ZNF718: variants seen among roughly 807,000 people sequenced by gnomAD.
The protein encoded by ZNF718 is zinc finger protein 718.
ZNF718 carries 3 observed loss-of-function variants against 2.6 expected under a neutral mutation model. The ratio of observed to expected loss-of-function variants is 1.16; its 90% confidence interval spans 0.53 to 3.01. ZNF718 has a LOEUF of 3.01. Ranked by LOEUF, ZNF718 falls within the 30% of genes most tolerant of loss-of-function variation. ZNF718 has a pLI of 0.03. For missense variants in ZNF718, 468 were observed against 230.0 expected (o/e 2.03, Z -6.69); for synonymous variants, 135 against 77.9 (o/e 1.73, Z -3.86).
intron 3 of ZNF718, among the ~76,000 whole-genome samples, chr4:178,219 G>A: frequency 6.6e-6 from 1 of 151,092 alleles, no homozygotes; most frequent in East Asian, 2.0e-4. Flanking sequence ...GCTCACTGCA[G>A]CCTTGACATC....
chr4:168,083 C>G (rs777304313), downstream of ZNF718, among the ~76,000 whole-genome samples: 1 of 152,024 alleles, frequency 6.6e-6, no homozygotes, highest in Admixed American at 6.6e-5. Flanking sequence ...TTTTCAAAGG[C>G]CTTTTCTGCA....
rs1560135416 is a variant in ZNF718 at position 200,247 on chromosome 4, T to TTTG, written c.227-832_227-831insGTT. Among the ~76,000 whole-genome samples the TTTG allele has an allele frequency of 6.2e-3, 939 of 152,246 alleles. 7 individuals are homozygous for TTTG. Among genetic ancestry groups the TTTG allele is most frequent in the African/African-American group, 0.021 (854 of 41,546 alleles). ...TGGGGAGGAAGGAGGAGGTTTTTTT[T>TTTG]TTTGTTTGTTTGTTTGTTTATTTGT... On this transcript the variant is annotated intron_variant and NMD_transcript_variant, in intron 3 of 4. Transcript: ENST00000642529.
At chr4:148,195 T>C (rs1716152734) in intron 3 of ZNF718, among the ~76,000 whole-genome samples, 1 of 152,018 alleles carries the variant, frequency 6.6e-6, no homozygotes, top group African/African-American at 2.4e-5. Context: ...AGATTCATAG[T>C]GGGAATAAAG....
At chr4:136,911 A>G (rs1210873128) in intron 3 of ZNF718, among the ~76,000 whole-genome samples, 1 of 152,170 alleles carries the variant, frequency 6.6e-6, no homozygotes, top group Non-Finnish European at 1.5e-5. Context: ...GTCCCCATTC[A>G]AATCTCATGT....
chr4:148,466 G>A (rs1716164919), intron 3 of ZNF718, among the ~76,000 whole-genome samples: 1 of 151,966 alleles, frequency 6.6e-6, no homozygotes, highest in Non-Finnish European at 1.5e-5. Flanking sequence ...AAAATTTGCT[G>A]GGCATGGTGG....
At chr4:153,335 G>A (rs1553812996) in intron 3 of ZNF718, among the ~76,000 whole-genome samples, 1 of 152,020 alleles carries the variant, frequency 6.6e-6, no homozygotes, top group Non-Finnish European at 1.5e-5. Flanking sequence ...ATATTATGGA[G>A]TCAGGTAGTG....
Position 161,090 on chromosome 4 carries a change from A to G in ZNF718, c.405A>G (p.Leu135=), listed in dbSNP as rs1216064649. 1 of 774,690 alleles carries G rather than the reference A, an allele frequency of 1.3e-6. No homozygotes were observed. Among genetic ancestry groups the G allele is most frequent in the African/African-American group, 1.7e-5 (1 of 59,102 alleles). The allele number at this position is 774,690 out of a possible 1,614,324, so 48.0% of individuals were successfully genotyped here. A position where few individuals can be genotyped will look rare whatever the true frequency, so the allele number is the denominator to read the frequency against. The change falls in exon 4 of 4, where the codon TTA becomes TTG. Residue 135 remains leucine, a synonymous_variant. Coordinates refer to ENST00000510175, the MANE Select transcript of ZNF718 (RefSeq NM_001039127.6). ...GTTATAATAGAATTAACCAATGCTT[A>G]TTAACTACCCAGAAAAAAACAATTC... is the stretch of plus-strand genomic sequence containing the variant. ...KGGYNRINQC[L]LTTQKKTIQS...
chr4:124,980 A>T (rs373309042), intron 1 of ZNF718: 2 of 348,090 alleles, frequency 5.7e-6, no homozygotes, highest in South Asian at 3.1e-5. Context: ...TGTGGTCCGG[A>T]ATCCCGTCCC....
At chr4:168,580 G>T (rs1379017092), downstream of ZNF718, among the ~76,000 whole-genome samples, 2 of 152,090 alleles carry the variant, frequency 1.3e-5, no homozygotes, top group African/African-American at 4.8e-5. Flanking sequence ...TTTAGTCTTG[G>T]GAGGGTGTCT....
chr4:176,977 G>A (rs1717362503), intron 3 of ZNF718, among the ~76,000 whole-genome samples: 1 of 152,112 alleles, frequency 6.6e-6, no homozygotes, highest in Non-Finnish European at 1.5e-5. Flanking sequence ...GAAGATGCAG[G>A]CTCATCTCTG....
At chr4:186,790 T>A (rs922807272) in intron 3 of ZNF718, among the ~76,000 whole-genome samples, 1 of 152,212 alleles carries the variant, frequency 6.6e-6, no homozygotes, top group African/African-American at 2.4e-5. Flanking sequence ...ATACTGGCTA[T>A]TTTGGCTGTC....
chr4:124,560 C>T lies in ZNF718; in HGVS notation c.-111C>T. ...AGGGCCTCATCGCTCTGCTCCCGCT[C>T]CTTAGGGAAGCCTCGGTGATTCTGC... is the stretch of plus-strand genomic sequence containing the variant. On this transcript the variant is annotated 5_prime_UTR_variant, in exon 1 of 4. Coordinates refer to ENST00000510175, the MANE Select transcript of ZNF718 (RefSeq NM_001039127.6). The T allele has an allele frequency of 6.7e-7, 1 of 1,500,608 alleles. No individual in the cohort carries two copies. Among genetic ancestry groups the T allele is most frequent in the Non-Finnish European group, 9.2e-7 (1 of 1,092,808 alleles). The allele number at this position is 1,500,608 out of a possible 1,614,324, so 93.0% of individuals were successfully genotyped here.
At chr4:165,305 GT>G (rs1450437629), downstream of ZNF718, among the ~76,000 whole-genome samples, 4 of 152,236 alleles carry the variant, frequency 2.6e-5, no homozygotes, top group East Asian at 3.9e-4. Context: ...GTCATTTACT[GT>G]TCACATGTAA....
chr4:138,952 A>C (rs1195940752), intron 3 of ZNF718, among the ~76,000 whole-genome samples: 1 of 152,182 alleles, frequency 6.6e-6, no homozygotes, highest in Non-Finnish European at 1.5e-5. Context: ...AGAAATTTCT[A>C]TTCAAATTTT....
At chr4:183,081 A>G (rs559222507) in intron 3 of ZNF718, among the ~76,000 whole-genome samples, 1 of 152,228 alleles carries the variant, frequency 6.6e-6, no homozygotes, top group South Asian at 2.1e-4. Flanking sequence ...GCCCATGCCT[A>G]TGTCCTGAAT....
intron 3 of ZNF718, among the ~76,000 whole-genome samples, chr4:147,281 T>C (rs1212083191): frequency 1.3e-5 from 2 of 152,250 alleles, no homozygotes; most frequent in Admixed American, 1.3e-4. Context: ...TAGTTTCCTT[T>C]GGTGGTGTTA....
Position 179,848 on chromosome 4 carries a change from T to C in ZNF718, c.227-21233T>C, listed in dbSNP as rs185454215. 9.8e-5 allele frequency among the ~76,000 whole-genome samples: 15 copies of C among 152,336 alleles called. No homozygotes were observed. The East Asian group carries it at 2.9e-3, about 29-fold the overall frequency. On this transcript the variant is annotated intron_variant and NMD_transcript_variant, in intron 3 of 4. Coordinates refer to the ZNF718 transcript ENST00000642529. ...AATTGTAGGTTATTTTAATTCACTT[T>C]ATTGAATTGCTTTTTATTTTCTAAT...
rs782740361 is a variant in ZNF718, at chr4:162,402, T to A, written c.*280T>A. 3.4e-6 allele frequency: 1 copy of A among 296,344 alleles called. No individual in the cohort carries two copies. The highest frequency in any genetic ancestry group is 6.2e-6 in the Non-Finnish European group (1 of 160,228). The allele number at this position is 296,344 out of a possible 1,614,324, so 18.4% of individuals were successfully genotyped here. A position where few individuals can be genotyped will look rare whatever the true frequency, so the allele number is the denominator to read the frequency against. On this transcript the variant is annotated 3_prime_UTR_variant, in exon 4 of 4. Coordinates refer to ENST00000510175, the MANE Select transcript of ZNF718 (RefSeq NM_001039127.6). ...GCAAAACCTTTAACCAATGCTCATA[T>A]CTCTTTGCACATGATAGCATTTATA... is the stretch of plus-strand genomic sequence containing the variant.
chr4:193,723 G>A (rs1560133772), intron 3 of ZNF718, among the ~76,000 whole-genome samples: 1 of 151,866 alleles, frequency 6.6e-6, no homozygotes, highest in Non-Finnish European at 1.5e-5. Context: ...TAACCTCCTG[G>A]TCCTCAATGG....
Sources: gnomAD v4.1 joint callset for allele counts (sites outside exome capture counted in the v4.1 genomes callset) on GRCh38, gnomAD v4.1.1 for gene constraint, MANE v1.5 for transcripts, NCBI Gene and HGNC (gene_info 2026-07-23, HGNC 2026-07-21) for gene names.